Variants in CYP4Z1 observed in about 807,000 individuals in gnomAD.
The protein encoded by CYP4Z1 is cytochrome P450 family 4 subfamily Z member 1, also known as cytochrome P450 4Z1.
A neutral mutation model predicts 54.2 loss-of-function variants in CYP4Z1; 41 were observed. The observed-to-expected ratio is 0.76, with a 90% CI of 0.59 to 0.98. The LOEUF is 0.98. Among genes scored for constraint, CYP4Z1 ranks in the 50% least tolerant of loss-of-function variants. The pLI is 0.00. For synonymous variants in CYP4Z1, 163 were observed against 206.2 expected (o/e 0.79, Z 1.79); for missense variants, 513 against 599.0 (o/e 0.86, Z 1.50).
chr1:47,099,436 A>T, intron 8 of CYP4Z1, 152 bp downstream of exon 8: 1 of 664,906 alleles, frequency 1.5e-6, no homozygotes, highest in Non-Finnish European at 2.4e-6. Flanking sequence ...TTATTTAAAG[A>T]TTATCACTAG....
rs1208415214 is a variant in CYP4Z1, at chr1:47,076,604, G to C, written c.320-4019G>C. Reference sequence around the variant, plus strand: ...CTCACGCCTGTAATCCCAGCACTTTGGGAGGCCGAGGCGGGTGGATCATGA... The same window carrying C: ...CTCACGCCTGTAATCCCAGCACTTTCGGAGGCCGAGGCGGGTGGATCATGA... On this transcript the variant is annotated intron_variant, in intron 2 of 11. Coordinates refer to ENST00000334194, the MANE Select transcript of CYP4Z1 (RefSeq NM_178134.3). 3.9e-5 allele frequency among the ~76,000 whole-genome samples: 6 copies of C among 152,016 alleles called. No individual in the cohort carries two copies. In the East Asian group the frequency reaches 1.2e-3, roughly 29 times the overall value.
At chr1:47,093,794 A>G (rs1251829376) in intron 6 of CYP4Z1, among the ~76,000 whole-genome samples, 3 of 152,302 alleles carry the variant, frequency 2.0e-5, no homozygotes, top group Admixed American at 6.5e-5. Flanking sequence ...TTTCCAGTAG[A>G]AAAGGCACAA....
chr1:47,108,645 G>C (rs1644772853), intron 9 of CYP4Z1, among the ~76,000 whole-genome samples: 1 of 152,108 alleles, frequency 6.6e-6, no homozygotes, highest in South Asian at 2.1e-4. Context: ...TACATTATGT[G>C]TGCCCTTCTC....
intron 8 of CYP4Z1, among the ~76,000 whole-genome samples, chr1:47,103,595 C>CTTTTTTTT (rs373166937): frequency 2.7e-4 from 26 of 95,966 alleles, no homozygotes; most frequent in East Asian, 2.0e-3. Flanking sequence ...TCTTTTTTTT[C>CTTTTTTTT]TTTTTTTTTT....
intron 7 of CYP4Z1, chr1:47,096,895 G>C (rs527931132): frequency 6.6e-6 from 1 of 152,312 alleles, no homozygotes; most frequent in Non-Finnish European, 1.5e-5. Context: ...CTCCCAAAAT[G>C]CTAGGATTAC....
Position 47,099,298 on chromosome 1 carries a change from T to C in CYP4Z1, c.1067+14T>C, listed in dbSNP as rs764891512. 7 of 1,562,034 alleles carry C rather than the reference T, an allele frequency of 4.5e-6. No homozygotes were observed. Among genetic ancestry groups the C allele is most frequent in the Non-Finnish European group, 5.2e-6 (6 of 1,157,670 alleles). On this transcript the variant is annotated intron_variant, in intron 8 of 11. Transcript: ENST00000334194. ...TTCTATTACCTGGTAAGACCTGTAT[T>C]CCTATTTCATCCTGAATTTTCCCCT...
chr1:47,068,791 A>G (rs1236222073), intron 2 of CYP4Z1, 28 bp downstream of exon 2: 25 of 1,609,142 alleles, frequency 1.6e-5, no homozygotes, highest in Non-Finnish European at 2.1e-5. Flanking sequence ...CTCACAGTAC[A>G]GAGCAGCAAC....
chr1:47,090,391 C>A (rs1401341227), intron 6 of CYP4Z1, among the ~76,000 whole-genome samples: 5 of 152,206 alleles, frequency 3.3e-5, no homozygotes, highest in Admixed American at 6.5e-5. Context: ...ACAGTGTATA[C>A]TTCTTTTGCA....
intron 9 of CYP4Z1, 128 bp from the exon 10 acceptor site, chr1:47,115,401 C>A: frequency 1.3e-6 from 1 of 784,670 alleles, no homozygotes; most frequent in Non-Finnish European, 2.1e-6. Context: ...ACATATGTAA[C>A]AAACCTTCAT....
At chr1:47,112,036 T>G (rs1644795633) in intron 9 of CYP4Z1, among the ~76,000 whole-genome samples, 1 of 152,002 alleles carries the variant, frequency 6.6e-6, no homozygotes, top group African/African-American at 2.4e-5. Context: ...AACATTGACG[T>G]CGAAAACAAC....
At chr1:47,065,475 T>C (rs940056386), upstream of CYP4Z1, among the ~76,000 whole-genome samples, 3 of 152,114 alleles carry the variant, frequency 2.0e-5, no homozygotes, top group African/African-American at 7.2e-5. Flanking sequence ...TAAAAATTCT[T>C]TAAACTGAAC....
chr1:47,073,831 A>G (rs1390220540), intron 2 of CYP4Z1, among the ~76,000 whole-genome samples: 2 of 152,154 alleles, frequency 1.3e-5, no homozygotes, highest in East Asian at 1.9e-4. Context: ...GTTTTTAAAT[A>G]TATATAGTAC....
chr1:47,083,814 C>T (rs1644572621), intron 4 of CYP4Z1, among the ~76,000 whole-genome samples: 1 of 152,082 alleles, frequency 6.6e-6, no homozygotes, highest in Non-Finnish European at 1.5e-5. Flanking sequence ...TTACCCACAT[C>T]CAAACAGACA....
chr1:47,105,192 G>A (rs35722586), intron 8 of CYP4Z1, among the ~76,000 whole-genome samples: 47,006 of 151,758 alleles, frequency 0.31, 7,976 homozygotes, highest in East Asian at 0.69. Context: ...CTTGGCACCA[G>A]CAGCAGCAGC....
intron 9 of CYP4Z1, among the ~76,000 whole-genome samples, chr1:47,110,476 T>C (rs1187924154): frequency 6.8e-6 from 1 of 146,646 alleles, no homozygotes; most frequent in East Asian, 2.4e-4. Flanking sequence ...AGGATCACTT[T>C]AGCCTGGGAG....
intron 2 of CYP4Z1, among the ~76,000 whole-genome samples, chr1:47,077,904 C>A (rs995979895): frequency 1.3e-5 from 2 of 152,206 alleles, no homozygotes. Context: ...CAGGTGTGAC[C>A]CACTGTGCTC....
intron 6 of CYP4Z1, among the ~76,000 whole-genome samples, 168 bp downstream of exon 6, chr1:47,085,146 G>A (rs1290787559): frequency 1.3e-5 from 2 of 151,848 alleles, no homozygotes; most frequent in Non-Finnish European, 2.9e-5. Context: ...CTATGTAGAG[G>A]GTATTATATT....
intron 4 of CYP4Z1, among the ~76,000 whole-genome samples, chr1:47,084,093 A>G (rs1190159992): frequency 6.6e-6 from 1 of 152,162 alleles, no homozygotes; most frequent in Non-Finnish European, 1.5e-5. Flanking sequence ...AAGGGGGTAA[A>G]TAACATCTGA....
upstream of CYP4Z1, among the ~76,000 whole-genome samples, chr1:47,062,420 A>C (rs1194895944): frequency 1.3e-5 from 2 of 152,146 alleles, no homozygotes. Context: ...TTTCTCAATG[A>C]GGAGGCTCGT....
Sources: gnomAD v4.1 joint callset for allele counts (sites outside exome capture counted in the v4.1 genomes callset) on GRCh38, gnomAD v4.1.1 for gene constraint, MANE v1.5 for transcripts, NCBI Gene and HGNC (gene_info 2026-07-23, HGNC 2026-07-21) for gene names.